TRAPPC9: variants seen among roughly 807,000 people sequenced by gnomAD.
TRAPPC9 encodes trafficking protein particle complex subunit 9, also known as IKK2 binding protein.
A neutral mutation model predicts 124.0 loss-of-function variants in TRAPPC9; 83 were observed. That is an observed-to-expected ratio of 0.67 (90% CI 0.56 to 0.80). The LOEUF is 0.80. TRAPPC9 is among the 30% of genes least tolerant of loss of function. The pLI is 0.00. For synonymous variants in TRAPPC9, 638 were observed against 617.5 expected, an observed-to-expected ratio of 1.03 and a Z score of -0.49; for missense variants, 1,302 against 1,508.3, an observed-to-expected ratio of 0.86 and a Z score of 2.27.
chr8:139,793,667 A>C (rs1424470890), intron 21 of TRAPPC9, among the ~76,000 whole-genome samples: 1 of 152,160 alleles, frequency 6.6e-6, no homozygotes, highest in Non-Finnish European at 1.5e-5. Flanking sequence ...CTGAGGGCTG[A>C]AGTCGCTAGG....
chr8:140,339,976 G>A (rs190257609), intron 9 of TRAPPC9, among the ~76,000 whole-genome samples: 1 of 128,904 alleles, frequency 7.8e-6, no homozygotes, highest in Non-Finnish European at 1.7e-5. Flanking sequence ...CCAAGTAGCT[G>A]GAATTACAGG....
chr8:140,338,088 T>TA lies in TRAPPC9; in HGVS notation c.1495+21961dup, dbSNP rs1312069292. 4.6e-5 allele frequency among the ~76,000 whole-genome samples: 7 copies of TA among 152,216 alleles called. No individual in the cohort carries two copies. In the East Asian group the frequency reaches 9.6e-4, roughly 21 times the overall value. On this transcript the variant is annotated intron_variant, in intron 9 of 22. Coordinates refer to ENST00000438773, the MANE Select transcript of TRAPPC9 (RefSeq NM_001160372.4). ...CAGATCCCTGCCACTTAGAAGTTGC[T>TA]AAAAAAAATTATTAATTTGAATTAA...
intron 21 of TRAPPC9, among the ~76,000 whole-genome samples, chr8:139,740,261 G>A (rs1046929361): frequency 8.5e-5 from 13 of 152,192 alleles, no homozygotes; most frequent in African/African-American, 2.7e-4. Flanking sequence ...CCAGAGTTAC[G>A]GACATAATTG....
At position 139,731,223 on chromosome 8, in the gene TRAPPC9, C is replaced by G; in HGVS notation, c.3285G>C (p.Gln1095His). The change falls in exon 23 of 23, where the codon CAG becomes CAC. Residue 1095 changes from glutamine (Q) to histidine (H), a missense_variant. Physicochemically the swap from Gln to His is conservative, Grantham distance 24 (BLOSUM62 0). Transcript: ENST00000438773. ...GSSTFYLDAV[Q>H]PSGQSACLGA... ...CGAGGCAGGCCGACTGGCCGGACGG[C>G]TGCACCTGAGCAGGGAGGAGAAAGA... 2 of 1,613,360 alleles carry G rather than the reference C, an allele frequency of 1.2e-6. No individual in the cohort carries two copies. Among genetic ancestry groups the G allele is most frequent in the Non-Finnish European group, 1.7e-6 (2 of 1,179,862 alleles).
chr8:139,878,985 T>A (rs1027343003), intron 21 of TRAPPC9, among the ~76,000 whole-genome samples: 2 of 152,164 alleles, frequency 1.3e-5, no homozygotes, highest in African/African-American at 4.8e-5. Context: ...AAGAAGAAAC[T>A]TTTCCTTTTT....
At chr8:140,158,017 T>C (rs2061684780) in intron 17 of TRAPPC9, among the ~76,000 whole-genome samples, 1 of 152,262 alleles carries the variant, frequency 6.6e-6, no homozygotes, top group African/African-American at 2.4e-5. Flanking sequence ...TTTCATTCCC[T>C]GTTGTTGGAC....
intron 19 of TRAPPC9, among the ~76,000 whole-genome samples, chr8:139,951,040 C>T (rs1005328754): frequency 2.0e-5 from 3 of 152,192 alleles, no homozygotes; most frequent in Non-Finnish European, 2.9e-5. Flanking sequence ...GACCCAGGCG[C>T]GCACATCCCC....
intron 19 of TRAPPC9, among the ~76,000 whole-genome samples, chr8:139,965,350 T>TC (rs916359026): frequency 4.6e-5 from 7 of 152,082 alleles, no homozygotes; most frequent in African/African-American, 1.4e-4. Context: ...AGCCACCTTT[T>TC]CCCCAGGATG....
chr8:139,736,684 G>A (rs1243832039), intron 21 of TRAPPC9, among the ~76,000 whole-genome samples: 1 of 152,242 alleles, frequency 6.6e-6, no homozygotes, highest in African/African-American at 2.4e-5. Context: ...CCGTGATGAT[G>A]ATGGCGGCGA....
intron 1 of TRAPPC9, among the ~76,000 whole-genome samples, chr8:140,454,755 A>G (rs1266724580): frequency 6.6e-6 from 1 of 151,458 alleles, no homozygotes; most frequent in Admixed American, 6.6e-5. Flanking sequence ...CCTGGCCAAC[A>G]TGGCAAAACC....
intron 19 of TRAPPC9, among the ~76,000 whole-genome samples, chr8:139,955,784 C>T (rs1834933263): frequency 6.6e-6 from 1 of 152,224 alleles, no homozygotes; most frequent in African/African-American, 2.4e-5. Context: ...GCTGTGCTAA[C>T]ATTCTGTGTC....
chr8:140,221,635 TTTGTTG>T lies in TRAPPC9; in HGVS notation c.2432-58_2432-53del, dbSNP rs565536849. The stretch of plus-strand genomic sequence containing the variant: ...GTAACACGTCAGCTTGGTTTTGGGG[TTTGTTG>T]TTGTTGTTGTTGTTTGGGACGGGTC... On this transcript the variant is annotated intron_variant, in intron 16 of 22. Coordinates refer to ENST00000438773, the MANE Select transcript of TRAPPC9 (RefSeq NM_001160372.4). 12 of 1,571,998 alleles carry T rather than the reference TTTGTTG, an allele frequency of 7.6e-6. No homozygotes were observed. The African/African-American group carries it at 8.1e-5, about 11-fold the overall frequency.
chr8:139,783,831 T>C (rs986567738), intron 21 of TRAPPC9, among the ~76,000 whole-genome samples: 1 of 152,230 alleles, frequency 6.6e-6, no homozygotes, highest in Non-Finnish European at 1.5e-5. Flanking sequence ...GCAAGGTTGG[T>C]TTAGCATTTG....
chr8:140,423,579 T>TACACACAC (rs35333495), intron 5 of TRAPPC9, among the ~76,000 whole-genome samples: 11,606 of 145,328 alleles, frequency 0.08, 797 homozygotes, highest in East Asian at 0.4. Flanking sequence ...AAATGTGGCA[T>TACACACAC]ACACACACAC....
At chr8:140,214,552 T>C (rs954636637) in intron 17 of TRAPPC9, among the ~76,000 whole-genome samples, 1 of 152,242 alleles carries the variant, frequency 6.6e-6, no homozygotes, top group African/African-American at 2.4e-5. Flanking sequence ...CCAACCTTCT[T>C]TCTTTCCCCT....
At chr8:140,173,553 C>CAAAAA (rs57984220) in intron 17 of TRAPPC9, among the ~76,000 whole-genome samples, 1 of 59,806 alleles carries the variant, frequency 1.7e-5, no homozygotes, top group African/African-American at 5.7e-5. Flanking sequence ...GACTCTGTCT[C>CAAAAA]AAAAAAAAAA....
At chr8:140,208,621 G>T (rs761505167) in intron 17 of TRAPPC9, among the ~76,000 whole-genome samples, 3 of 152,218 alleles carry the variant, frequency 2.0e-5, no homozygotes, top group African/African-American at 7.2e-5. Context: ...TTCTTTAGAG[G>T]TCATTTCATT....
chr8:139,928,713 C>T (rs1199345358), intron 19 of TRAPPC9, among the ~76,000 whole-genome samples: 3 of 151,212 alleles, frequency 2.0e-5, no homozygotes, highest in Non-Finnish European at 2.9e-5. Context: ...TGCTTGTGTG[C>T]TGGCCACAGT....
chr8:140,329,349 A>T (rs2066833350), intron 9 of TRAPPC9, among the ~76,000 whole-genome samples: 1 of 152,192 alleles, frequency 6.6e-6, no homozygotes, highest in African/African-American at 2.4e-5. Context: ...ACCTTCAAAA[A>T]AACTTTCATC....
Sources: gnomAD v4.1 joint callset for allele counts (sites outside exome capture counted in the v4.1 genomes callset) on GRCh38, gnomAD v4.1.1 for gene constraint, MANE v1.5 for transcripts, NCBI Gene and HGNC (gene_info 2026-07-23, HGNC 2026-07-21) for gene names.